PCSK2: variants seen among roughly 807,000 people sequenced by gnomAD.
The protein encoded by PCSK2 is proprotein convertase subtilisin/kexin type 2, also known as neuroendocrine convertase 2.
In PCSK2, 14 loss-of-function variants were observed where a neutral mutation model predicts 69.7. That is an observed-to-expected ratio of 0.20 (90% CI 0.13 to 0.31). PCSK2 has a LOEUF of 0.31. Among genes scored for constraint, PCSK2 ranks in the 10% least tolerant of loss-of-function variants. PCSK2 has a pLI of 1.00. For missense variants in PCSK2, 544 were observed against 842.5 expected, an observed-to-expected ratio of 0.65 and a Z score of 4.39; for synonymous variants, 307 against 320.7, an observed-to-expected ratio of 0.96 and a Z score of 0.46.
chr20:17,329,538 TGAAA>T (rs1338700278), intron 2 of PCSK2, among the ~76,000 whole-genome samples: 1 of 152,218 alleles, frequency 6.6e-6, no homozygotes, highest in African/African-American at 2.4e-5. Context: ...ATATTTAAAC[TGAAA>T]GACTTATTAC....
At chr20:17,362,151 A>T (rs1229828792) in intron 4 of PCSK2, among the ~76,000 whole-genome samples, 3 of 152,170 alleles carry the variant, frequency 2.0e-5, no homozygotes, top group African/African-American at 7.2e-5. Context: ...AAGCTCTTTG[A>T]CTGACTCCTA....
At chr20:17,355,365 C>T (rs115558241) in intron 2 of PCSK2, among the ~76,000 whole-genome samples, 1,916 of 152,222 alleles carry the variant, frequency 0.013, 14 homozygotes, top group East Asian at 0.034. Context: ...AAGTTATTTA[C>T]GACAAGGAGT....
intron 2 of PCSK2, among the ~76,000 whole-genome samples, chr20:17,317,857 A>T (rs1175307844): frequency 6.6e-6 from 1 of 152,266 alleles, no homozygotes; most frequent in East Asian, 1.9e-4. Context: ...TTAAAAAAAG[A>T]TGTAGACGCA....
At chr20:17,377,016 A>G (rs2030946314) in intron 5 of PCSK2, among the ~76,000 whole-genome samples, 1 of 152,202 alleles carries the variant, frequency 6.6e-6, no homozygotes, top group Admixed American at 6.5e-5. Flanking sequence ...TGCCTCCTTC[A>G]TCATGCATGA....
At chr20:17,270,322 C>T (rs950434508) in intron 2 of PCSK2, among the ~76,000 whole-genome samples, 1 of 152,066 alleles carries the variant, frequency 6.6e-6, no homozygotes, top group African/African-American at 2.4e-5. Flanking sequence ...GTTTCACGGT[C>T]TTAAAGCCAA....
intron 1 of PCSK2, among the ~76,000 whole-genome samples, chr20:17,249,232 C>T (rs140935055): frequency 5.3e-5 from 8 of 152,160 alleles, no homozygotes; most frequent in East Asian, 1.9e-4. Context: ...TTAAGTCGGG[C>T]GCGGTGGCTC....
intron 2 of PCSK2, among the ~76,000 whole-genome samples, chr20:17,269,237 G>A (rs1412550888): frequency 1.3e-5 from 2 of 152,120 alleles, no homozygotes; most frequent in Non-Finnish European, 2.9e-5. Flanking sequence ...AGTGTTCAAT[G>A]CCAGGAGACT....
intron 11 of PCSK2, among the ~76,000 whole-genome samples, chr20:17,467,362 T>C (rs1255678273): frequency 6.6e-6 from 1 of 152,184 alleles, no homozygotes; most frequent in Admixed American, 6.5e-5. Context: ...TTGAAACCAA[T>C]TAGAAAATAA....
At chr20:17,471,287 C>T (rs1454819210) in intron 11 of PCSK2, among the ~76,000 whole-genome samples, 1 of 152,178 alleles carries the variant, frequency 6.6e-6, no homozygotes, top group Non-Finnish European at 1.5e-5. Flanking sequence ...TGTAAGGAAT[C>T]TGAGGTCCGG....
Position 17,392,274 on chromosome 20 carries a change from G to T in PCSK2, c.544-16989G>T, listed in dbSNP as rs572860412. ...ACAAGTCAGGAAGAACTCACAACCTGCCCAGTGGTCATTTTAGTCAATTTT... is the reference window on the plus strand; with the variant it reads ...ACAAGTCAGGAAGAACTCACAACCTTCCCAGTGGTCATTTTAGTCAATTTT... On this transcript the variant is annotated intron_variant, in intron 5 of 11. Coordinates refer to ENST00000262545, the MANE Select transcript of PCSK2 (RefSeq NM_002594.5). 2.6e-5 allele frequency among the ~76,000 whole-genome samples: 4 copies of T among 152,218 alleles called. No individual in the cohort carries two copies. The South Asian group carries it at 8.3e-4, about 32-fold the overall frequency.
intron 1 of PCSK2, among the ~76,000 whole-genome samples, chr20:17,250,404 A>G (rs544141678): frequency 1.3e-5 from 2 of 152,322 alleles, no homozygotes; most frequent in South Asian, 4.1e-4. Flanking sequence ...CACATGAACA[A>G]TGTGCCCTTC....
intron 2 of PCSK2, among the ~76,000 whole-genome samples, chr20:17,260,956 C>T (rs560354940): frequency 6.6e-6 from 1 of 152,102 alleles, no homozygotes; most frequent in African/African-American, 2.4e-5. Flanking sequence ...TCAGTCTTTA[C>T]CTTGCTCTTG....
chr20:17,421,614 C>A (rs2328143), intron 6 of PCSK2, among the ~76,000 whole-genome samples: 73,611 of 151,536 alleles, frequency 0.49, 18,905 homozygotes, highest in South Asian at 0.65. Flanking sequence ...GACTGGAGAC[C>A]AGAAGACAAA....
chr20:17,283,890 T>C (rs1327188311), intron 2 of PCSK2, among the ~76,000 whole-genome samples: 1 of 152,156 alleles, frequency 6.6e-6, no homozygotes, highest in Non-Finnish European at 1.5e-5. Context: ...CACAAACCTC[T>C]CTTTATGAGT....
chr20:17,415,921 G>C (rs150629191), intron 6 of PCSK2, among the ~76,000 whole-genome samples: 319 of 152,154 alleles, frequency 2.1e-3, no homozygotes, highest in African/African-American at 7.4e-3. Context: ...ACAATAAATG[G>C]GGAAAGGATT....
intron 5 of PCSK2, among the ~76,000 whole-genome samples, chr20:17,376,460 G>A (rs2030930195): frequency 6.6e-6 from 1 of 152,194 alleles, no homozygotes; most frequent in African/African-American, 2.4e-5. Context: ...GTGTACCCCA[G>A]TCTGGAGAGA....
chr20:17,414,937 C>T (rs1568639627), intron 6 of PCSK2, among the ~76,000 whole-genome samples: 1 of 152,208 alleles, frequency 6.6e-6, no homozygotes, highest in African/African-American at 2.4e-5. Flanking sequence ...ACAAAAACCA[C>T]ATGATTATCT....
intron 5 of PCSK2, among the ~76,000 whole-genome samples, chr20:17,398,363 A>AT (rs1438862836): frequency 2.0e-5 from 3 of 151,144 alleles, no homozygotes; most frequent in East Asian, 1.9e-4. Context: ...TGTCTTTACA[A>AT]TTTTTTTTTA....
In PCSK2 at chr20:17,262,450, A is replaced by C. The variant is rs377228064; in HGVS notation, c.282+2106A>C. Among the ~76,000 whole-genome samples, 10 of 135,828 alleles carry C rather than the reference A, an allele frequency of 7.4e-5. 1 individual carries two copies. Among genetic ancestry groups the C allele is most frequent in the Admixed American group, 4.8e-4 (6 of 12,442 alleles). The allele number at this position is 135,828 out of a possible 152,430, so 89.1% of individuals were successfully genotyped here. On this transcript the variant is annotated intron_variant, in intron 2 of 11. Transcript: ENST00000262545. ...AAAATAAATAAAGCACAAAAATCTC[A>C]TAATTTTTTTCAAAACGAAAAAAAA...
Sources: gnomAD v4.1 joint callset for allele counts (sites outside exome capture counted in the v4.1 genomes callset) on GRCh38, gnomAD v4.1.1 for gene constraint, MANE v1.5 for transcripts, NCBI Gene and HGNC (gene_info 2026-07-23, HGNC 2026-07-21) for gene names.